Variants in TKFC observed in about 807,000 individuals in gnomAD.
The protein encoded by TKFC is triokinase and FMN cyclase.
In TKFC, 46 loss-of-function variants were observed where a neutral mutation model predicts 61.0. That is an observed-to-expected ratio of 0.75 (90% CI 0.60 to 0.96). The LOEUF is 0.96. Ranked by LOEUF, TKFC falls within the 50% of genes least tolerant of loss-of-function variation. The probability of loss-of-function intolerance (pLI) is 0.00; values close to 1 mark genes in which losing one functional copy is unlikely to be tolerated. For synonymous variants in TKFC, 314 were observed against 330.1 expected (o/e 0.95, Z 0.53); for missense variants, 715 against 777.5 (o/e 0.92, Z 0.96).
rs374087598 is a variant in TKFC at position 61,341,806 on chromosome 11, T to A, written c.566-17T>A. ...TAAGAGTGGAACAGTCATCCCTTCA[T>A]GCCTTGTTTCTCATAGGTACCCTGG... On this transcript the variant is annotated splice_polypyrimidine_tract_variant and intron_variant, in intron 6 of 17. Transcript: ENST00000394900. 49 of 1,610,210 alleles carry A rather than the reference T, an allele frequency of 3.0e-5. No homozygotes were observed. The African/African-American group carries it at 6.3e-4, about 21-fold the overall frequency.
intron 4 of TKFC, 39 bp downstream of exon 4, chr11:61,339,215 C>T: frequency 6.2e-7 from 1 of 1,611,836 alleles, no homozygotes; most frequent in Non-Finnish European, 8.5e-7. Context: ...GCAGGGAGGG[C>T]ACAGTAAGCA....
At chr11:61,337,021 C>T (rs1565046404) in intron 2 of TKFC, among the ~76,000 whole-genome samples, 1 of 152,210 alleles carries the variant, frequency 6.6e-6, no homozygotes, top group Non-Finnish European at 1.5e-5. Context: ...CCTCCAGGCC[C>T]CTCGGGAGGC....
At chr11:61,343,146 C>T (rs2135037304) in intron 10 of TKFC, 196 bp from the exon 11 acceptor site, 1 of 618,968 alleles carries the variant, frequency 1.6e-6, no homozygotes, top group Non-Finnish European at 2.8e-6. Flanking sequence ...TGTAATTACT[C>T]ATCTTCCCCG....
chr11:61,352,818 C>T (rs1565066935), downstream of TKFC: 4 of 1,452,122 alleles, frequency 2.8e-6, no homozygotes, highest in East Asian at 5.0e-5. Flanking sequence ...TGCTGACTTA[C>T]CAATTTCAAC....
downstream of TKFC, chr11:61,353,101 C>T (rs550323763): frequency 7.5e-5 from 121 of 1,613,116 alleles, no homozygotes; most frequent in South Asian, 6.9e-4. Context: ...GCCACATGGA[C>T]GCCCAGGGCA....
Position 61,339,449 on chromosome 11 carries a change from G to A in TKFC, c.486+14G>A, listed in dbSNP as rs760798315. The A allele has an allele frequency of 5.6e-6, 9 of 1,595,662 alleles. No homozygotes were observed. Among genetic ancestry groups the A allele is most frequent in the Admixed American group, 1.7e-5 (1 of 58,762 alleles). On this transcript the variant is annotated intron_variant, in intron 5 of 17. Coordinates refer to ENST00000394900, the MANE Select transcript of TKFC (RefSeq NM_015533.4). ...CTTATACACAAGGTGGGCTTCCACC[G>A]GGGACGTGGAGACTGGCCAGCCCTT...
Position 61,345,838 on chromosome 11 carries a change from T to C in TKFC, c.1486-19T>C. 3 of 1,614,106 alleles carry C rather than the reference T, an allele frequency of 1.9e-6. No individual in the cohort carries two copies. The highest frequency in any genetic ancestry group is 2.5e-6 in the Non-Finnish European group (3 of 1,180,014). On this transcript the variant is annotated intron_variant, in intron 16 of 17. Coordinates refer to ENST00000394900, the MANE Select transcript of TKFC (RefSeq NM_015533.4). ...GTTGCAGGGCCCGTGCTCAGCCCCCTTTCCTTCACCTTGTCCAGCTGGATT... is the reference window on the plus strand; with the variant it reads ...GTTGCAGGGCCCGTGCTCAGCCCCCCTTCCTTCACCTTGTCCAGCTGGATT...
Position 61,343,415 on chromosome 11 carries a change from T to C in TKFC, c.939T>C (p.Ser313=). 2 of 1,614,218 alleles carry C rather than the reference T, an allele frequency of 1.2e-6. No individual in the cohort carries two copies. Among genetic ancestry groups the C allele is most frequent in the Non-Finnish European group, 1.7e-6 (2 of 1,180,034 alleles). The part of the protein sequence containing the change: ...FMSALEMPGI[S]LTLLLVDEPL... ...CAGCACTGGAGATGCCTGGCATTTC[T>C]CTCACCCTCCTGCTGGTGGATGAGC... is the stretch of plus-strand genomic sequence containing the variant. Residue 313 remains serine (S), a synonymous_variant, in exon 11 of 18, where the codon TCT becomes TCC. Transcript: ENST00000394900.
At position 61,339,664 on chromosome 11, in the gene TKFC, G is replaced by C. The variant is rs191093587; in HGVS notation, c.486+229G>C. 2.0e-4 allele frequency: 114 copies of C among 557,036 alleles called. No individual in the cohort carries two copies. The East Asian group carries it at 3.4e-3, about 17-fold the overall frequency. 34.5% of individuals were successfully genotyped at this position (557,036 alleles called of 1,614,324 possible). ...TTCTCCACACCCAATCAGTTGCCCG[G>C]TCCTGGTGCTTCTCCTCCCAAATGT... On this transcript the variant is annotated intron_variant, in intron 5 of 17. Transcript: ENST00000394900.
Position 61,342,450 on chromosome 11 carries a change from T to C in TKFC, c.656-11T>C, listed in dbSNP as rs1856900431. ...CTTGAGTGGGTCAGCAGTGACCACA[T>C]CTATCCGCAGGGATCCACGGGGAAG... is the stretch of plus-strand genomic sequence containing the variant. On this transcript the variant is annotated splice_polypyrimidine_tract_variant and intron_variant, in intron 7 of 17. Transcript: ENST00000394900. The C allele has an allele frequency of 6.2e-7, 1 of 1,613,948 alleles. No individual in the cohort carries two copies. Among genetic ancestry groups the C allele is most frequent in the South Asian group, 1.1e-5 (1 of 91,088 alleles).
rs372212580 is a variant in TKFC at position 61,345,334 on chromosome 11, C to A, written c.1315C>A (p.Leu439Ile). Residue 439 changes from leucine to isoleucine, a missense_variant, in exon 14 of 18, where the codon CTC (leucine) becomes ATC (isoleucine). Coordinates refer to ENST00000394900, the MANE Select transcript of TKFC (RefSeq NM_015533.4). The part of the protein sequence containing the change: ...AQLLSKLSVL[L>I]LEKMGGSSGA... ...GCTGCTCTCCAAGTTGTCTGTCCTG[C>A]TCCTGGAGAAGATGGGAGGCTCATC... 6.6e-5 allele frequency: 106 copies of A among 1,605,008 alleles called. No homozygotes were observed. Among genetic ancestry groups the A allele is most frequent in the Non-Finnish European group, 8.9e-5 (105 of 1,173,904 alleles).
At chr11:61,352,229 T>G (rs923400717), downstream of TKFC, 1 of 152,426 alleles carries the variant, frequency 6.6e-6, no homozygotes, top group African/African-American at 2.4e-5. Context: ...AGAGTCAGAC[T>G]GCCTAATCTG....
chr11:61,350,393 G>T (rs1857340321), downstream of TKFC: 4 of 1,609,404 alleles, frequency 2.5e-6, no homozygotes, highest in Non-Finnish European at 3.4e-6. Context: ...GCCCCTTCCT[G>T]CTGCTTCACT....
In TKFC at chr11:61,347,423, T is replaced by A. The variant is rs1857182912; in HGVS notation, c.*920T>A. ...CAGGCATAGTAGTGTGTGCCTATAG[T>A]CCTAACTTGGGAGGCTGAGTTGGGA... On this transcript the variant is annotated 3_prime_UTR_variant, in exon 18 of 18. Transcript: ENST00000394900. 1.1e-6 allele frequency: 1 copy of A among 899,060 alleles called. No homozygotes were observed. Among genetic ancestry groups the A allele is most frequent in the East Asian group, 1.2e-4 (1 of 8,404 alleles). 55.7% of individuals were successfully genotyped at this position (899,060 alleles called of 1,614,324 possible).
chr11:61,351,288 T>TC, downstream of TKFC: 5 of 680,786 alleles, frequency 7.3e-6, no homozygotes, highest in Non-Finnish European at 2.0e-6. Context: ...CCCTTTCTTT[T>TC]TTTTTTTTTT....
At position 61,346,080 on chromosome 11, in the gene TKFC, C is replaced by A; in HGVS notation, c.1575+134C>A. ...TTCTCTGTACAATGGAGATGAGCACCTATCTCAGAAGGTGGTTATGTGGCT... is the reference window on the plus strand; with the variant it reads ...TTCTCTGTACAATGGAGATGAGCACATATCTCAGAAGGTGGTTATGTGGCT... On this transcript the variant is annotated intron_variant, in intron 17 of 17. Coordinates refer to ENST00000394900, the MANE Select transcript of TKFC (RefSeq NM_015533.4). This position sits in a 1 kb window ranked among gnomAD's most constrained non-coding sequence, Gnocchi z 4.1. 8.8e-7 allele frequency: 1 copy of A among 1,135,138 alleles called. No individual in the cohort carries two copies. Among genetic ancestry groups the A allele is most frequent in the Non-Finnish European group, 1.2e-6 (1 of 812,164 alleles). The allele number at this position is 1,135,138 out of a possible 1,614,324, so 70.3% of individuals were successfully genotyped here.
chr11:61,345,157 C>G (rs1857056235), intron 13 of TKFC, 103 bp from the exon 14 acceptor site: 1 of 965,836 alleles, frequency 1.0e-6, no homozygotes, highest in South Asian at 1.7e-5. Flanking sequence ...AGCCTTCATT[C>G]CACTTCCCTG....
downstream of TKFC, chr11:61,353,170 G>T: frequency 6.4e-7 from 1 of 1,561,734 alleles, no homozygotes. Context: ...ACACCCGACT[G>T]TGCTATGTGT....
intron 2 of TKFC, among the ~76,000 whole-genome samples, chr11:61,337,046 T>C (rs2134985067): frequency 6.6e-6 from 1 of 152,320 alleles, no homozygotes; most frequent in South Asian, 2.1e-4. Context: ...GCCCCTCCTC[T>C]ATGCTCCCAT....
Sources: allele counts gnomAD v4.1 joint callset (sites outside exome capture counted in the v4.1 genomes callset), GRCh38; gene constraint gnomAD v4.1.1; non-coding constraint Gnocchi (gnomAD v3.1); transcripts MANE v1.5; gene names NCBI Gene and HGNC (gene_info 2026-07-23, HGNC 2026-07-21).